SAMD3: variants seen among roughly 807,000 people sequenced by gnomAD.
SAMD3 encodes sterile alpha motif domain-containing protein 3.
SAMD3 carries 63 observed loss-of-function variants against 58.5 expected under a neutral mutation model. The ratio of observed to expected loss-of-function variants is 1.08; its 90% CI spans 0.88 to 1.33. The LOEUF is 1.33. SAMD3 is among the 40% of genes most tolerant of loss of function. SAMD3 has a pLI of 0.00. For missense variants in SAMD3, 604 were observed against 608.4 expected (o/e 0.99, Z 0.08); for synonymous variants, 220 against 210.3 (o/e 1.05, Z -0.40).
chr6:130,361,753 A>T (rs1777994443), intron 1 of SAMD3, among the ~76,000 whole-genome samples: 1 of 152,222 alleles, frequency 6.6e-6, no homozygotes, highest in African/African-American at 2.4e-5. Context: ...GCAGAATTAA[A>T]TTCTTTTACA....
intron 5 of SAMD3, among the ~76,000 whole-genome samples, chr6:130,207,546 G>A (rs866986778): frequency 6.6e-6 from 1 of 152,130 alleles, no homozygotes; most frequent in Non-Finnish European, 1.5e-5. Flanking sequence ...TAGCAGCTTC[G>A]TGTTGGAAGG....
chr6:130,337,522 C>A (rs1017914692), intron 1 of SAMD3, among the ~76,000 whole-genome samples: 5 of 152,106 alleles, frequency 3.3e-5, no homozygotes, highest in Non-Finnish European at 5.9e-5. Flanking sequence ...TAAAGATACC[C>A]AAAAATGTGG....
Position 130,216,592 on chromosome 6 carries a change from A to G in SAMD3, c.-43T>C, listed in dbSNP as rs1324030841. ...TTACCTTGCATATGTGACAAGCTGG[A>G]AAGATAGTCTTCAAGAATCATTTCC... On this transcript the variant is annotated 5_prime_UTR_variant, in exon 2 of 12. Transcript: ENST00000439090. 6.6e-6 allele frequency: 1 copy of G among 152,220 alleles called. No homozygotes were observed. The highest frequency in any genetic ancestry group is 1.9e-4 in the East Asian group (1 of 5,206). The allele number at this position is 152,220 out of a possible 1,614,324, so 9.4% of individuals were successfully genotyped here. A position where few individuals can be genotyped will look rare whatever the true frequency, so the allele number is the denominator to read the frequency against.
chr6:130,192,926 A>G (rs991148958), intron 5 of SAMD3, among the ~76,000 whole-genome samples: 27 of 151,898 alleles, frequency 1.8e-4, no homozygotes, highest in African/African-American at 6.3e-4. Flanking sequence ...TCTCCTTTCA[A>G]TCTTGGCGCC....
chr6:130,191,308 A>G (rs1793519818), intron 5 of SAMD3, among the ~76,000 whole-genome samples: 1 of 152,108 alleles, frequency 6.6e-6, no homozygotes, highest in Non-Finnish European at 1.5e-5. Flanking sequence ...CCTATTTCTG[A>G]GGACAACTGT....
chr6:130,148,342 T>C (rs1315587580), intron 9 of SAMD3, among the ~76,000 whole-genome samples: 1 of 152,264 alleles, frequency 6.6e-6, no homozygotes, highest in African/African-American at 2.4e-5. Context: ...ATAGAATTGC[T>C]CGAATTGCCC....
chr6:130,153,127 A>G (rs930052007), intron 9 of SAMD3, among the ~76,000 whole-genome samples: 6 of 152,200 alleles, frequency 3.9e-5, no homozygotes, highest in Non-Finnish European at 8.8e-5. Context: ...AACTGTTAAT[A>G]TTAACACGTG....
At chr6:130,213,386 A>C (rs1795742456) in intron 4 of SAMD3, among the ~76,000 whole-genome samples, 1 of 151,926 alleles carries the variant, frequency 6.6e-6, no homozygotes, top group Admixed American at 6.6e-5. Context: ...AAGGCTACCT[A>C]TTCCCCTCCA....
At chr6:130,230,017 A>G (rs911035022) in intron 2 of SAMD3, among the ~76,000 whole-genome samples, 13 of 152,214 alleles carry the variant, frequency 8.5e-5, no homozygotes, top group African/African-American at 3.1e-4. Context: ...ATACTATAAA[A>G]TGTTTTACAG....
At chr6:130,259,691 T>C (rs754910261) in intron 2 of SAMD3, among the ~76,000 whole-genome samples, 1 of 151,900 alleles carries the variant, frequency 6.6e-6, no homozygotes, top group Non-Finnish European at 1.5e-5. Context: ...CTGGACTCAA[T>C]GTATTTTTTT....
intron 4 of SAMD3, among the ~76,000 whole-genome samples, chr6:130,213,697 A>G (rs1189483719): frequency 6.6e-6 from 1 of 152,150 alleles, no homozygotes; most frequent in Non-Finnish European, 1.5e-5. Context: ...ATTTCTTTTC[A>G]TTGCAGAAGT....
intron 2 of SAMD3, among the ~76,000 whole-genome samples, chr6:130,298,679 A>G (rs550200681): frequency 6.6e-6 from 1 of 152,306 alleles, no homozygotes; most frequent in East Asian, 1.9e-4. Flanking sequence ...CTTAAAAGAC[A>G]CAGAGTGGCA....
At chr6:130,184,245 T>C in intron 6 of SAMD3, 58 bp from the exon 7 acceptor site, 1 of 1,392,112 alleles carries the variant, frequency 7.2e-7, no homozygotes, top group East Asian at 2.3e-5. Context: ...TTCCTTCCTT[T>C]AAGATGAGTC....
chr6:130,215,559 A>C, intron 2 of SAMD3: 5 of 1,329,744 alleles, frequency 3.8e-6, no homozygotes, highest in Non-Finnish European at 4.8e-6. Flanking sequence ...TTCCACAGGC[A>C]TCTCTAAGCT....
At chr6:130,329,063 T>C (rs1776845471) in intron 1 of SAMD3, among the ~76,000 whole-genome samples, 1 of 151,992 alleles carries the variant, frequency 6.6e-6, no homozygotes. Context: ...TCTCTCTCTC[T>C]CTTATCTATC....
chr6:130,364,782 G>C (rs1778085704), intron 1 of SAMD3, among the ~76,000 whole-genome samples: 1 of 151,980 alleles, frequency 6.6e-6, no homozygotes, highest in Non-Finnish European at 1.5e-5. Flanking sequence ...AAGGCAAGAA[G>C]GTTATACCAC....
intron 8 of SAMD3, among the ~76,000 whole-genome samples, chr6:130,167,863 G>C (rs1268972845): frequency 6.6e-6 from 1 of 152,122 alleles, no homozygotes; most frequent in Non-Finnish European, 1.5e-5. Context: ...AACATAATGT[G>C]GGATTCTGAC....
At chr6:130,215,161 C>G in intron 3 of SAMD3, 34 bp downstream of exon 3, 2 of 1,131,400 alleles carry the variant, frequency 1.8e-6, no homozygotes, top group Non-Finnish European at 2.7e-6. Flanking sequence ...CTAGGCTGCT[C>G]AATTAAAATT....
intron 2 of SAMD3, among the ~76,000 whole-genome samples, chr6:130,229,904 G>A (rs117843521): frequency 0.025 from 3,811 of 152,264 alleles, 68 homozygotes; most frequent in Non-Finnish European, 0.039. Flanking sequence ...TTTAATGGCT[G>A]TCAAACAGAT....
Sources: gnomAD v4.1 joint callset for allele counts (sites outside exome capture counted in the v4.1 genomes callset) on GRCh38, gnomAD v4.1.1 for gene constraint, MANE v1.5 for transcripts, NCBI Gene and HGNC (gene_info 2026-07-23, HGNC 2026-07-21) for gene names.